Variants in MARCHF3 observed in about 807,000 individuals in gnomAD.
The protein encoded by MARCHF3 is E3 ubiquitin-protein ligase MARCHF3.
A neutral mutation model predicts 24.2 loss-of-function variants in MARCHF3; 13 were observed. The observed-to-expected ratio is 0.54, with a 90% CI of 0.35 to 0.85. MARCHF3 has a LOEUF of 0.85. Among genes scored for constraint, MARCHF3 ranks in the 40% least tolerant of loss-of-function variants. MARCHF3 has a pLI of 0.01. For synonymous variants in MARCHF3, 144 were observed against 137.3 expected, an observed-to-expected ratio of 1.05 and a Z score of -0.34; for missense variants, 276 against 325.0, an observed-to-expected ratio of 0.85 and a Z score of 1.16.
intron 1 of MARCHF3, among the ~76,000 whole-genome samples, chr5:126,970,601 C>T (rs75634233): frequency 0.014 from 2,074 of 151,890 alleles, 54 homozygotes; most frequent in African/African-American, 0.048. Context: ...CCAAATGGTA[C>T]TCTTGAGAGA....
At chr5:126,870,879 A>C in intron 4 of MARCHF3, 88 bp from the exon 5 acceptor site, 1 of 1,504,668 alleles carries the variant, frequency 6.6e-7, no homozygotes. Context: ...GTCATTTGAA[A>C]GAGCTTCAAA....
intron 1 of MARCHF3, among the ~76,000 whole-genome samples, chr5:126,979,520 T>A (rs1218806089): frequency 6.6e-6 from 1 of 152,188 alleles, no homozygotes. Context: ...ACACTTTCCA[T>A]TATGTAGGTA....
At chr5:126,877,077 G>A (rs1438886233) in intron 4 of MARCHF3, among the ~76,000 whole-genome samples, 4 of 152,190 alleles carry the variant, frequency 2.6e-5, no homozygotes. Context: ...CCTCTTTACT[G>A]AAACTGAAAT....
intron 1 of MARCHF3, among the ~76,000 whole-genome samples, chr5:126,995,838 A>T (rs967052563): frequency 6.6e-6 from 1 of 152,256 alleles, no homozygotes; most frequent in Non-Finnish European, 1.5e-5. Flanking sequence ...GCCTTTTGGC[A>T]TTCTACTAGA....
chr5:127,008,421 T>C (rs1752374303), intron 1 of MARCHF3, among the ~76,000 whole-genome samples: 1 of 152,206 alleles, frequency 6.6e-6, no homozygotes, highest in Non-Finnish European at 1.5e-5. Context: ...TGCAGTCACT[T>C]AGAAGAGAGT....
chr5:126,916,327 T>C (rs1244592912), intron 2 of MARCHF3, among the ~76,000 whole-genome samples: 1 of 152,188 alleles, frequency 6.6e-6, no homozygotes, highest in East Asian at 1.9e-4. Context: ...TGCCCTCCCT[T>C]GCCTCTCTGT....
At chr5:126,973,180 A>C (rs1284227649) in intron 1 of MARCHF3, among the ~76,000 whole-genome samples, 1 of 152,232 alleles carries the variant, frequency 6.6e-6, no homozygotes, top group Non-Finnish European at 1.5e-5. Context: ...TCCTACCAGG[A>C]CAACAGTAGG....
intron 1 of MARCHF3, among the ~76,000 whole-genome samples, chr5:126,974,605 C>T (rs192729691): frequency 1.3e-5 from 2 of 152,256 alleles, no homozygotes; most frequent in East Asian, 1.9e-4. Context: ...AAAATCATTG[C>T]GTTGATCAAA....
chr5:126,949,544 C>T (rs1750143207), intron 1 of MARCHF3, among the ~76,000 whole-genome samples: 1 of 152,188 alleles, frequency 6.6e-6, no homozygotes, highest in South Asian at 2.1e-4. Context: ...AAGGAAAATA[C>T]TCCATCTCTC....
chr5:126,893,943 C>G (rs1416002348), intron 3 of MARCHF3, among the ~76,000 whole-genome samples: 4 of 92,210 alleles, frequency 4.3e-5, no homozygotes, highest in South Asian at 4.5e-4. Flanking sequence ...TTGTAGGTCA[C>G]TCAGGACTTG....
At chr5:126,897,652 A>T (rs979721492) in intron 3 of MARCHF3, among the ~76,000 whole-genome samples, 10 of 152,084 alleles carry the variant, frequency 6.6e-5, no homozygotes, top group African/African-American at 1.7e-4. Flanking sequence ...GAACAGTGAC[A>T]GGGAGAAAGC....
intron 1 of MARCHF3, among the ~76,000 whole-genome samples, chr5:127,022,096 C>T (rs1752822544): frequency 6.6e-6 from 1 of 152,006 alleles, no homozygotes; most frequent in South Asian, 2.1e-4. Flanking sequence ...GATAAGTGAG[C>T]GGGAGGTGGT....
At chr5:126,934,679 G>C (rs1400633309) in intron 1 of MARCHF3, among the ~76,000 whole-genome samples, 2 of 151,670 alleles carry the variant, frequency 1.3e-5, no homozygotes, top group East Asian at 3.9e-4. Context: ...AAGGAAGAAA[G>C]AATGAAGGAA....
chr5:126,993,969 GA>G (rs1159842032), intron 1 of MARCHF3, among the ~76,000 whole-genome samples: 1 of 152,208 alleles, frequency 6.6e-6, no homozygotes, highest in Admixed American at 6.5e-5. Context: ...GCATCTTAGA[GA>G]GTTGAACATA....
intron 1 of MARCHF3, among the ~76,000 whole-genome samples, chr5:126,919,551 C>T (rs1338406333): frequency 6.6e-6 from 1 of 152,214 alleles, no homozygotes; most frequent in Non-Finnish European, 1.5e-5. Context: ...TTTGTCTCTA[C>T]TTCTTACATT....
intron 3 of MARCHF3, among the ~76,000 whole-genome samples, chr5:126,904,760 A>G (rs1301399839): frequency 2.0e-5 from 3 of 151,618 alleles, no homozygotes; most frequent in African/African-American, 7.3e-5. Context: ...CCCATTCTGT[A>G]GGTTGCCTGT....
chr5:126,967,232 T>C (rs1219257897), intron 1 of MARCHF3, among the ~76,000 whole-genome samples: 3 of 151,978 alleles, frequency 2.0e-5, no homozygotes, highest in African/African-American at 4.8e-5. Flanking sequence ...AACTGGAAAA[T>C]TGTTAAAACT....
At chr5:126,930,239 T>A (rs907938209) in intron 1 of MARCHF3, among the ~76,000 whole-genome samples, 1 of 152,264 alleles carries the variant, frequency 6.6e-6, no homozygotes, top group African/African-American at 2.4e-5. Context: ...GAAGGCCAGA[T>A]GCTGTTTTCC....
chr5:126,982,272 A>AGTTCATGTCTTTCCCTG (rs1386205165), intron 1 of MARCHF3, among the ~76,000 whole-genome samples: 1 of 152,174 alleles, frequency 6.6e-6, no homozygotes, highest in Non-Finnish European at 1.5e-5. Context: ...ACAGCACAGC[A>AGTTCATGTCTTTCCCTG]GTTCATGTCT....
Sources: allele counts gnomAD v4.1 joint callset (sites outside exome capture counted in the v4.1 genomes callset), GRCh38; gene constraint gnomAD v4.1.1; transcripts MANE v1.5; gene names NCBI Gene and HGNC (gene_info 2026-07-23, HGNC 2026-07-21).